Variants in HDAC4 observed in about 807,000 individuals in gnomAD.
The protein encoded by HDAC4 is histone deacetylase 4.
In HDAC4, 16 loss-of-function variants were observed where a neutral mutation model predicts 135.1. The observed-to-expected ratio is 0.12, with a 90% CI of 0.08 to 0.18. The LOEUF (loss-of-function observed/expected upper bound fraction) is 0.18. Among genes scored for constraint, HDAC4 ranks in the 10% least tolerant of loss-of-function variants. The pLI, the probability that HDAC4 is intolerant of heterozygous loss-of-function variation, is 1.00. For synonymous variants in HDAC4, 685 were observed against 653.4 expected (o/e 1.05, Z -0.74); for missense variants, 1,143 against 1,511.8 (o/e 0.76, Z 4.05).
At chr2:239,156,620 C>A (rs1359667322) in intron 7 of HDAC4, 32 bp downstream of exon 7, 5 of 1,613,942 alleles carry the variant, frequency 3.1e-6, no homozygotes, top group Middle Eastern at 1.7e-4. Flanking sequence ...GTGCAGGAGA[C>A]CTCCCGGCCC....
rs917459086 is a variant in HDAC4 at position 239,108,146 on chromosome 2, G to A, written c.2016C>T (p.Cys672=). The change falls in exon 15 of 27, where the codon TGC becomes TGT. Residue 672 remains cysteine, a synonymous_variant. Coordinates refer to ENST00000543185, the MANE Select transcript of HDAC4 (RefSeq NM_001378414.1). ...GGTGGCTGCTGCTACTCCCGCAGGTGCACTGGTGCTTCAGCATCAGCGTGT... is the reference window on the plus strand; with the variant it reads ...GGTGGCTGCTGCTACTCCCGCAGGTACACTGGTGCTTCAGCATCAGCGTGT... ...VYDTLMLKHQ[C]TCGSSSSHPE... is the part of the protein sequence containing the mutation. The A allele has an allele frequency of 1.8e-5, 29 of 1,606,524 alleles. No homozygotes were observed. The highest frequency in any genetic ancestry group is 2.4e-5 in the Non-Finnish European group (28 of 1,177,746).
chr2:239,242,124 G>GA (rs1212982439), intron 2 of HDAC4, among the ~76,000 whole-genome samples: 2 of 150,008 alleles, frequency 1.3e-5, no homozygotes, highest in Non-Finnish European at 3.0e-5. Context: ...AAGAAAGAAA[G>GA]AAGGAGAAAG....
intron 6 of HDAC4, among the ~76,000 whole-genome samples, chr2:239,160,651 T>C (rs1027479803): frequency 5.9e-5 from 9 of 152,256 alleles, no homozygotes; most frequent in African/African-American, 1.7e-4. Context: ...GTCCGTTCCT[T>C]GTCACTGCGG....
intron 1 of HDAC4, among the ~76,000 whole-genome samples, chr2:239,357,888 CAAAA>C (rs71043188): frequency 4.9e-4 from 27 of 55,636 alleles, no homozygotes; most frequent in African/African-American, 2.1e-3. Context: ...GCCTCTGTTC[CAAAA>C]AAAAAAAAAA....
At position 239,053,016 on chromosome 2, in the gene HDAC4, C is replaced by T; in HGVS notation, c.*81G>A. On this transcript the variant is annotated 3_prime_UTR_variant, in exon 27 of 27. Coordinates refer to ENST00000543185, the MANE Select transcript of HDAC4 (RefSeq NM_001378414.1). Reference sequence around the variant, plus strand: ...TCCAAGAGAGCCCCACGGTGGGACGCAGGCGTGACACGGGAAAGTTTCTTG... The same window carrying T: ...TCCAAGAGAGCCCCACGGTGGGACGTAGGCGTGACACGGGAAAGTTTCTTG... 6.5e-7 allele frequency: 1 copy of T among 1,541,508 alleles called. No individual in the cohort carries two copies. Among genetic ancestry groups the T allele is most frequent in the South Asian group, 1.1e-5 (1 of 89,668 alleles).
chr2:239,225,520 G>A (rs531761540), intron 3 of HDAC4, among the ~76,000 whole-genome samples: 99 of 152,348 alleles, frequency 6.5e-4, no homozygotes, highest in African/African-American at 2.2e-3. Context: ...CCCACCCCAG[G>A]GGGGGATGAG....
intron 1 of HDAC4, among the ~76,000 whole-genome samples, chr2:239,372,800 TACAC>T (rs779596214): frequency 6.6e-6 from 1 of 151,970 alleles, no homozygotes; most frequent in South Asian, 2.1e-4. Context: ...TCCATACACA[TACAC>T]ACACACGCAC....
At chr2:239,271,148 C>T (rs766217234) in intron 2 of HDAC4, among the ~76,000 whole-genome samples, 1 of 152,104 alleles carries the variant, frequency 6.6e-6, no homozygotes, top group Non-Finnish European at 1.5e-5. Context: ...GGTCTTGCTC[C>T]GGTTGCCCAG....
At chr2:239,333,370 T>G (rs1244925217) in intron 2 of HDAC4, among the ~76,000 whole-genome samples, 1 of 152,138 alleles carries the variant, frequency 6.6e-6, no homozygotes, top group Non-Finnish European at 1.5e-5. Flanking sequence ...CAGAAAAATT[T>G]TGGCAATCCT....
rs182044025 is a variant in HDAC4 at position 239,067,549 on chromosome 2, G to A, written c.2870-694C>T. ...GCTTCGAGGCAGCTGTGCGGACTGAGGAGGAAGCTGAGGATGTGGTGGCCG... is the reference window on the plus strand; with the variant it reads ...GCTTCGAGGCAGCTGTGCGGACTGAAGAGGAAGCTGAGGATGTGGTGGCCG... On this transcript the variant is annotated intron_variant, in intron 23 of 26. Transcript: ENST00000543185. Among the ~76,000 whole-genome samples, 17 of 152,394 alleles carry A rather than the reference G, an allele frequency of 1.1e-4. No individual in the cohort carries two copies. The East Asian group carries it at 3.3e-3, about 29-fold the overall frequency.
chr2:239,180,068 G>A (rs1447547120), intron 4 of HDAC4, among the ~76,000 whole-genome samples: 6 of 152,172 alleles, frequency 3.9e-5, no homozygotes, highest in Admixed American at 2.0e-4. Flanking sequence ...GTGTGTGTCC[G>A]GGAACATCTC....
At chr2:239,216,077 T>C (rs999802890) in intron 3 of HDAC4, among the ~76,000 whole-genome samples, 4 of 152,196 alleles carry the variant, frequency 2.6e-5, no homozygotes, top group African/African-American at 2.4e-5. Flanking sequence ...TATGTACATG[T>C]GCTTACATTG....
chr2:239,353,482 G>T (rs956715380), intron 1 of HDAC4, among the ~76,000 whole-genome samples: 1 of 152,204 alleles, frequency 6.6e-6, no homozygotes, highest in Non-Finnish European at 1.5e-5. Flanking sequence ...TTTGGTTTGC[G>T]TATTTAGGTG....
intron 18 of HDAC4, 88 bp downstream of exon 18, chr2:239,089,921 G>C (rs553932953): frequency 5.1e-5 from 48 of 944,220 alleles, no homozygotes; most frequent in Non-Finnish European, 8.4e-5. Context: ...AGCCTGATGA[G>C]AGGGAGACGG....
At chr2:239,374,386 C>CGCTTTTTT (rs1694847282) in intron 1 of HDAC4, among the ~76,000 whole-genome samples, 1 of 56,708 alleles carries the variant, frequency 1.8e-5, no homozygotes, top group African/African-American at 7.8e-5. Context: ...GAAAACAAGG[C>CGCTTTTTT]TTTTTTTTTT....
intron 2 of HDAC4, among the ~76,000 whole-genome samples, chr2:239,246,307 C>T (rs1315281718): frequency 1.3e-5 from 2 of 152,192 alleles, no homozygotes; most frequent in Admixed American, 6.5e-5. Flanking sequence ...CACAGCACCT[C>T]GCCCCTTCCC....
chr2:239,115,002 G>A lies in HDAC4; in HGVS notation c.1791+51C>T, dbSNP rs368699411. On this transcript the variant is annotated intron_variant, in intron 13 of 26. Transcript: ENST00000543185. This position sits in a 1 kb window ranked among gnomAD's most constrained non-coding sequence, Gnocchi z 6.3. ...CCACAGAAGATGCCACCTGGGGACC[G>A]AGGGTGGCTGTGCGTGCCAGCCTTC... is the stretch of plus-strand genomic sequence containing the variant. 99 of 1,598,912 alleles carry A rather than the reference G, an allele frequency of 6.2e-5. No individual in the cohort carries two copies. In the East Asian group the frequency reaches 7.8e-4, roughly 13 times the overall value.
chr2:239,164,901 A>G (rs2043033415), intron 5 of HDAC4, among the ~76,000 whole-genome samples: 1 of 152,198 alleles, frequency 6.6e-6, no homozygotes, highest in Non-Finnish European at 1.5e-5. Flanking sequence ...AACCCTCGGC[A>G]CATCTTGGTA....
intron 17 of HDAC4, chr2:239,091,889 T>C (rs1438619511): frequency 1.4e-5 from 2 of 138,864 alleles, no homozygotes; most frequent in African/African-American, 2.8e-5. Flanking sequence ...TGAAACCCCG[T>C]CTCTACTAAA....
Sources: allele counts gnomAD v4.1 joint callset (sites outside exome capture counted in the v4.1 genomes callset), GRCh38; gene constraint gnomAD v4.1.1; non-coding constraint Gnocchi (gnomAD v3.1); transcripts MANE v1.5; gene names NCBI Gene and HGNC (gene_info 2026-07-23, HGNC 2026-07-21).